The following DAGLA variants were observed in gnomAD, a reference collection of about 807,000 sequenced individuals.
DAGLA encodes the protein diacylglycerol lipase-alpha.
Under a neutral mutation model 102.6 loss-of-function variants are expected in DAGLA, and 22 were observed. The ratio of observed to expected loss-of-function variants is 0.21; its 90% CI spans 0.15 to 0.31. DAGLA has a LOEUF of 0.31. DAGLA is among the 10% of genes least tolerant of loss of function. The pLI is 1.00. For missense variants in DAGLA, 927 were observed against 1,446.6 expected (o/e 0.64, Z 5.83); for synonymous variants, 578 against 628.9 (o/e 0.92, Z 1.21).
chr11:61,688,314 CA>C (rs1186217122), intron 1 of DAGLA, among the ~76,000 whole-genome samples: 16,971 of 73,494 alleles, frequency 0.23, 828 homozygotes, highest in East Asian at 0.36. Context: ...AACTCTGTCT[CA>C]AAAAAAAAAA....
Position 61,686,897 on chromosome 11 carries a change from G to A in DAGLA, c.-45+6393G>A, listed in dbSNP as rs1187970230. 6.6e-6 allele frequency among the ~76,000 whole-genome samples: 1 copy of A among 152,134 alleles called. No individual in the cohort carries two copies. The highest frequency in any genetic ancestry group is 1.5e-5 in the Non-Finnish European group (1 of 68,008). On this transcript the variant is annotated intron_variant, in intron 1 of 19. Coordinates refer to ENST00000257215, the MANE Select transcript of DAGLA (RefSeq NM_006133.3). This position sits in a 1 kb window ranked among gnomAD's most constrained non-coding sequence, Gnocchi z 5.2. ...GATGGGCAGGCCACACCGTGGAGTGGGCTCCCTGGGGCTGCACCTCTGTCT... is the reference window on the plus strand; with the variant it reads ...GATGGGCAGGCCACACCGTGGAGTGAGCTCCCTGGGGCTGCACCTCTGTCT...
intron 17 of DAGLA, among the ~76,000 whole-genome samples, chr11:61,740,078 A>C (rs1042740466): frequency 2.0e-5 from 3 of 152,198 alleles, no homozygotes; most frequent in Non-Finnish European, 4.4e-5. Flanking sequence ...GCCAGGAGAG[A>C]GAATAGGAGC....
intron 1 of DAGLA, among the ~76,000 whole-genome samples, chr11:61,717,469 C>T (rs941890853): frequency 3.3e-5 from 5 of 152,162 alleles, no homozygotes; most frequent in African/African-American, 1.2e-4. Flanking sequence ...ACTCCCTCCG[C>T]CTCGCCCGCC....
chr11:61,691,667 G>A (rs2135551688), intron 1 of DAGLA, among the ~76,000 whole-genome samples: 1 of 152,360 alleles, frequency 6.6e-6, no homozygotes, highest in South Asian at 2.1e-4. Flanking sequence ...CAGTTGATTT[G>A]ACCTCCTCGA....
chr11:61,697,623 G>A (rs78674826), intron 1 of DAGLA, among the ~76,000 whole-genome samples: 1 of 152,226 alleles, frequency 6.6e-6, no homozygotes, highest in East Asian at 1.9e-4. Flanking sequence ...GAGCATTTGT[G>A]ACTCAGTGGC....
At chr11:61,682,878 T>C (rs997231881) in intron 1 of DAGLA, among the ~76,000 whole-genome samples, 4 of 150,612 alleles carry the variant, frequency 2.7e-5, no homozygotes, top group African/African-American at 9.8e-5. Context: ...GAGGATGCCC[T>C]CAGACACATA....
intron 6 of DAGLA, among the ~76,000 whole-genome samples, chr11:61,726,383 G>A (rs1463238308): frequency 6.6e-6 from 1 of 152,236 alleles, no homozygotes; most frequent in Non-Finnish European, 1.5e-5. Context: ...AGGGTGACCT[G>A]AAGACAAAGA....
In DAGLA at chr11:61,728,248, G is replaced by T; in HGVS notation, c.732G>T (p.Arg244=). The T allele has an allele frequency of 6.2e-7, 1 of 1,613,642 alleles. No homozygotes were observed. The highest frequency in any genetic ancestry group is 8.5e-7 in the Non-Finnish European group (1 of 1,180,006). The change falls in exon 7 of 20, where the codon CGG becomes CGT. Residue 244 remains arginine (R), a synonymous_variant. Transcript: ENST00000257215. ...TCATTGCTGGCCTGGTGCTGCTCCG[G>T]CAGCGGCAGCGGGCCAAGCGCAACG... is the stretch of plus-strand genomic sequence containing the variant. ...SDIIAGLVLL[R]QRQRAKRNAV... is the part of the protein sequence containing the mutation.
At chr11:61,700,058 G>A (rs1017449607) in intron 1 of DAGLA, among the ~76,000 whole-genome samples, 6 of 152,190 alleles carry the variant, frequency 3.9e-5, no homozygotes, top group East Asian at 1.9e-4. Flanking sequence ...GGCCTCGCCC[G>A]CGCAGAGCAT....
At chr11:61,741,836 T>C (rs1242635795) in intron 19 of DAGLA, among the ~76,000 whole-genome samples, 1 of 152,106 alleles carries the variant, frequency 6.6e-6, no homozygotes, top group Non-Finnish European at 1.5e-5. Context: ...GGTCTTGAAC[T>C]CCTGACCTCA....
intron 1 of DAGLA, among the ~76,000 whole-genome samples, chr11:61,685,290 C>T (rs556202418): frequency 6.6e-6 from 1 of 152,126 alleles, no homozygotes; most frequent in Non-Finnish European, 1.5e-5. Flanking sequence ...CTGATGAAAA[C>T]ACGCACTGAA....
In DAGLA at chr11:61,709,566, C is replaced by T. The variant is rs80195046; in HGVS notation, c.-44-10546C>T. ...GGCCACCTCCCCTCATCTGGGGTCC[C>T]TGAGGGCTTCTGGAAACCCACTGAA... is the stretch of plus-strand genomic sequence containing the variant. On this transcript the variant is annotated intron_variant, in intron 1 of 19. Transcript: ENST00000257215. Among the ~76,000 whole-genome samples the T allele has an allele frequency of 4.1e-4, 63 of 152,282 alleles. No homozygotes were observed. The East Asian group carries it at 0.012, about 29-fold the overall frequency.
intron 1 of DAGLA, among the ~76,000 whole-genome samples, chr11:61,692,917 A>G (rs1307108507): frequency 2.6e-5 from 4 of 152,132 alleles, no homozygotes; most frequent in Admixed American, 6.5e-5. Flanking sequence ...TGGTCCCACA[A>G]TTAGATGGAG....
rs369845312 is a variant in DAGLA, at chr11:61,725,975, C to G, written c.549-20C>G. 5.6e-6 allele frequency: 9 copies of G among 1,611,020 alleles called. No homozygotes were observed. Among genetic ancestry groups the G allele is most frequent in the South Asian group, 3.3e-5 (3 of 91,040 alleles). On this transcript the variant is annotated intron_variant, in intron 5 of 19. Coordinates refer to ENST00000257215, the MANE Select transcript of DAGLA (RefSeq NM_006133.3). ...GTCCAGCCCTCTGACCTCACACATACCGCCTCTCCTGCTTTGCAGGCACCG... is the reference window on the plus strand; with the variant it reads ...GTCCAGCCCTCTGACCTCACACATAGCGCCTCTCCTGCTTTGCAGGCACCG...
intron 15 of DAGLA, 134 bp downstream of exon 15, chr11:61,737,889 C>A: frequency 1.2e-6 from 1 of 827,276 alleles, no homozygotes. Context: ...CCCTCCCCAC[C>A]CTTAGTTGCC....
At chr11:61,731,663 G>C (rs2065376499) in intron 9 of DAGLA, among the ~76,000 whole-genome samples, 1 of 152,218 alleles carries the variant, frequency 6.6e-6, no homozygotes, top group South Asian at 2.1e-4. Flanking sequence ...GTCACTTGCA[G>C]CCTGGGGCAA....
rs1565244322 is a variant in DAGLA, at chr11:61,686,264, C to T, written c.-45+5760C>T. The stretch of plus-strand genomic sequence containing the variant: ...AGGAAGCTGAGCTGGGCCTCGGAAT[C>T]GCTGCCTAGAATGTGTTGCCCACAC... On this transcript the variant is annotated intron_variant, in intron 1 of 19. Coordinates refer to ENST00000257215, the MANE Select transcript of DAGLA (RefSeq NM_006133.3). The surrounding 1 kb of genome is among the most constrained non-coding windows in gnomAD (Gnocchi z 5.2). Among the ~76,000 whole-genome samples, 1 of 152,124 alleles carries T rather than the reference C, an allele frequency of 6.6e-6. No homozygotes were observed. Among genetic ancestry groups the T allele is most frequent in the Non-Finnish European group, 1.5e-5 (1 of 68,028 alleles).
intron 1 of DAGLA, among the ~76,000 whole-genome samples, chr11:61,718,259 C>A (rs988053032): frequency 6.6e-6 from 1 of 152,120 alleles, no homozygotes; most frequent in Non-Finnish European, 1.5e-5. Context: ...GAGCAGGATG[C>A]GGCTCTACAG....
intron 4 of DAGLA, 83 bp from the exon 5 acceptor site, chr11:61,723,351 T>C: frequency 1.9e-6 from 3 of 1,550,896 alleles, no homozygotes; most frequent in Non-Finnish European, 2.6e-6. Flanking sequence ...TTAGGGAGGC[T>C]CCAATGTCCC....
Sources: gnomAD v4.1 joint callset for allele counts (sites outside exome capture counted in the v4.1 genomes callset) on GRCh38, gnomAD v4.1.1 for gene constraint, Gnocchi (gnomAD v3.1) non-coding constraint, MANE v1.5 for transcripts, NCBI Gene and HGNC (gene_info 2026-07-23, HGNC 2026-07-21) for gene names.